CEP112: variants seen among roughly 807,000 people sequenced by gnomAD.
The protein encoded by CEP112 is centrosomal protein of 112 kDa.
CEP112 carries 127 observed loss-of-function variants against 153.0 expected under a neutral mutation model. The ratio of observed to expected loss-of-function variants is 0.83; its 90% CI spans 0.72 to 0.96. CEP112 has a LOEUF of 0.96. Among genes scored for constraint, CEP112 ranks in the 40% least tolerant of loss-of-function variants. The pLI is 0.00. For synonymous variants in CEP112, 358 were observed against 374.4 expected (o/e 0.96, Z 0.51); for missense variants, 1,089 against 1,101.2 (o/e 0.99, Z 0.16).
intron 4 of CEP112, among the ~76,000 whole-genome samples, chr17:66,170,002 G>A (rs1425115999): frequency 6.6e-6 from 1 of 152,178 alleles, no homozygotes; most frequent in Non-Finnish European, 1.5e-5. Flanking sequence ...CCCGACTTGT[G>A]TGGATGTCAG....
chr17:66,167,367 C>T (rs1057154365), intron 4 of CEP112, among the ~76,000 whole-genome samples: 9 of 151,834 alleles, frequency 5.9e-5, no homozygotes, highest in African/African-American at 9.7e-5. Flanking sequence ...GGGCTCTACA[C>T]GTCTTATTTC....
At chr17:66,091,115 C>T (rs1003434836) in intron 8 of CEP112, among the ~76,000 whole-genome samples, 6 of 151,962 alleles carry the variant, frequency 3.9e-5, no homozygotes, top group African/African-American at 1.2e-4. Flanking sequence ...ATTTCAGCAA[C>T]GGACGGGTTA....
intron 25 of CEP112, among the ~76,000 whole-genome samples, chr17:65,639,545 C>T (rs537333022): frequency 5.3e-5 from 8 of 151,822 alleles, no homozygotes; most frequent in Non-Finnish European, 7.4e-5. Context: ...ATTAGCTGGG[C>T]GTGGTTGCAT....
intron 21 of CEP112, among the ~76,000 whole-genome samples, chr17:65,837,400 C>A (rs538232125): frequency 1.3e-5 from 2 of 151,562 alleles, no homozygotes; most frequent in African/African-American, 4.9e-5. Context: ...ATGTGGGGAG[C>A]GCCTCTGCCC....
chr17:65,971,337 T>G (rs142767164), intron 17 of CEP112, among the ~76,000 whole-genome samples: 203 of 151,086 alleles, frequency 1.3e-3, no homozygotes, highest in African/African-American at 4.8e-3. Context: ...ATATATTACA[T>G]GTATATGTAT....
chr17:65,870,350 C>T (rs2058632962), intron 20 of CEP112, among the ~76,000 whole-genome samples: 1 of 152,094 alleles, frequency 6.6e-6, no homozygotes, highest in African/African-American at 2.4e-5. Context: ...AACTCCATAA[C>T]AATCTGCTCC....
chr17:65,930,101 T>C (rs571519079), intron 18 of CEP112, among the ~76,000 whole-genome samples: 33 of 152,350 alleles, frequency 2.2e-4, no homozygotes, highest in African/African-American at 7.9e-4. Flanking sequence ...ATTCTACCAC[T>C]GGCTACTTTA....
At chr17:66,085,931 T>G (rs1314686853) in intron 8 of CEP112, among the ~76,000 whole-genome samples, 2 of 129,948 alleles carry the variant, frequency 1.5e-5, no homozygotes, top group African/African-American at 5.9e-5. Context: ...GAGCTGAAAC[T>G]ACGCCACTCT....
At chr17:66,086,335 G>A (rs976225429) in intron 8 of CEP112, among the ~76,000 whole-genome samples, 2 of 143,602 alleles carry the variant, frequency 1.4e-5, no homozygotes, top group African/African-American at 2.6e-5. Context: ...ACAATTAAAT[G>A]TTGAATAAAA....
intron 25 of CEP112, among the ~76,000 whole-genome samples, chr17:65,639,624 G>A (rs2143269353): frequency 6.7e-6 from 1 of 149,692 alleles, no homozygotes; most frequent in East Asian, 2.0e-4. Flanking sequence ...GGCAGAAGGT[G>A]CAGTGAGCTG....
intron 18 of CEP112, among the ~76,000 whole-genome samples, chr17:65,936,073 G>A (rs917895464): frequency 2.0e-4 from 31 of 151,992 alleles, no homozygotes; most frequent in African/African-American, 7.2e-4. Context: ...CTTTAAAATC[G>A]ATAATATAGA....
chr17:65,939,735 T>A (rs2061452049), intron 18 of CEP112, among the ~76,000 whole-genome samples: 1 of 152,064 alleles, frequency 6.6e-6, no homozygotes. Context: ...TATACAAAAA[T>A]ATACTCAAAA....
At chr17:65,971,538 A>G (rs926003131) in intron 17 of CEP112, among the ~76,000 whole-genome samples, 21 of 152,168 alleles carry the variant, frequency 1.4e-4, no homozygotes, top group South Asian at 8.3e-4. Flanking sequence ...ACCTAAATGT[A>G]TGTTGCATGT....
At chr17:66,068,271 G>A (rs1380515423) in intron 9 of CEP112, among the ~76,000 whole-genome samples, 3 of 152,052 alleles carry the variant, frequency 2.0e-5, no homozygotes, top group Admixed American at 6.5e-5. Context: ...CCAAAAGTCA[G>A]CTTAACAAGA....
rs772098824 is a variant in CEP112, at chr17:66,063,016, T to C, written c.1021A>G (p.Lys341Glu). 3.1e-6 allele frequency: 5 copies of C among 1,602,514 alleles called. No individual in the cohort carries two copies. Among genetic ancestry groups the C allele is most frequent in the Admixed American group, 1.7e-5 (1 of 58,484 alleles). The stretch of plus-strand genomic sequence containing the variant: ...TCCGTACTTTGTTCACATATCTTTT[T>C]CAGCTCTGCAATCTGGTCTTCTTTA... ...ETKEDQIAEL[K>E]KICEQSTESL... The change falls in exon 11 of 27, where the codon AAA becomes GAA. Residue 341 changes from lysine to glutamate, a missense_variant. By Grantham distance (56) the Lys-to-Glu change is moderately conservative. Transcript: ENST00000535342.
chr17:66,023,031 A>T lies in CEP112; in HGVS notation c.1656+4470T>A, dbSNP rs189592213. Among the ~76,000 whole-genome samples, 22 of 152,212 alleles carry T rather than the reference A, an allele frequency of 1.4e-4. No individual in the cohort carries two copies. The East Asian group carries it at 3.7e-3, about 25-fold the overall frequency. On this transcript the variant is annotated intron_variant, in intron 16 of 26. Transcript: ENST00000535342. ...CAAAAATAAACTAAAAATAAATTTT[A>T]AAAAAATGAACAAAGCCTTTGAGAA...
intron 12 of CEP112, among the ~76,000 whole-genome samples, chr17:66,032,982 T>C (rs2065556862): frequency 6.6e-6 from 1 of 152,158 alleles, no homozygotes; most frequent in South Asian, 2.1e-4. Flanking sequence ...AACAGATGCA[T>C]ACATTCCAAC....
intron 20 of CEP112, among the ~76,000 whole-genome samples, chr17:65,867,345 G>A (rs972016743): frequency 1.3e-5 from 2 of 152,162 alleles, no homozygotes; most frequent in African/African-American, 4.8e-5. Flanking sequence ...AGGCCAAGTG[G>A]GTGAAACAAA....
chr17:65,666,918 T>C (rs2046722379), intron 24 of CEP112, among the ~76,000 whole-genome samples: 1 of 152,228 alleles, frequency 6.6e-6, no homozygotes, highest in Non-Finnish European at 1.5e-5. Context: ...TGAAACACAA[T>C]GAGTAATTCC....
Sources: gnomAD v4.1 joint callset for allele counts (sites outside exome capture counted in the v4.1 genomes callset) on GRCh38, gnomAD v4.1.1 for gene constraint, MANE v1.5 for transcripts, NCBI Gene and HGNC (gene_info 2026-07-23, HGNC 2026-07-21) for gene names.